Variants in GRM7 observed in about 807,000 individuals in gnomAD.
The protein encoded by GRM7 is glutamate metabotropic receptor 7, also known as metabotropic glutamate receptor 7.
In GRM7, 35 loss-of-function variants were observed where a neutral mutation model predicts 84.5. The observed-to-expected ratio is 0.41, with a 90% CI of 0.32 to 0.55. The LOEUF (loss-of-function observed/expected upper bound fraction) is 0.55, where lower values mean the gene tolerates loss of function less well. GRM7 is among the 20% of genes least tolerant of loss of function. GRM7 has a pLI of 0.19. For missense variants in GRM7, 1,003 were observed against 1,194.6 expected, an observed-to-expected ratio of 0.84 and a Z score of 2.36; for synonymous variants, 487 against 455.1, an observed-to-expected ratio of 1.07 and a Z score of -0.89.
Position 6,877,887 on chromosome 3 carries a change from G to A in GRM7, c.519+15980G>A, listed in dbSNP as rs181973006. On this transcript the variant is annotated intron_variant, in intron 1 of 9. Coordinates refer to ENST00000357716, the MANE Select transcript of GRM7 (RefSeq NM_000844.4). ...CTGCTAGTAAATTACAAATGAAATT[G>A]TTAGTAGCTCTGTATACACATAAGC... Among the ~76,000 whole-genome samples the A allele has an allele frequency of 2.2e-3, 323 of 149,846 alleles. 1 individual carries two copies. Among genetic ancestry groups the A allele is most frequent in the Non-Finnish European group, 4.0e-3 (269 of 67,756 alleles).
At chr3:6,872,968 G>A (rs765032750) in intron 1 of GRM7, among the ~76,000 whole-genome samples, 8 of 152,122 alleles carry the variant, frequency 5.3e-5, no homozygotes, top group Non-Finnish European at 7.3e-5. Flanking sequence ...AATCCTCTGG[G>A]TATATACCCA....
intron 8 of GRM7, among the ~76,000 whole-genome samples, chr3:7,645,342 A>T (rs944870169): frequency 2.6e-5 from 4 of 151,882 alleles, no homozygotes; most frequent in African/African-American, 4.8e-5. Flanking sequence ...AGGTCAGGAG[A>T]TTGAGACCAT....
intron 1 of GRM7, among the ~76,000 whole-genome samples, chr3:6,899,280 A>G (rs1013785900): frequency 2.7e-4 from 41 of 152,240 alleles, no homozygotes; most frequent in African/African-American, 9.6e-4. Context: ...TGAGGAAAGT[A>G]TCAAAGTGAA....
chr3:7,173,143 C>T (rs1340006084), intron 2 of GRM7, among the ~76,000 whole-genome samples: 2 of 152,212 alleles, frequency 1.3e-5, no homozygotes, highest in African/African-American at 4.8e-5. Flanking sequence ...TATTTAAACA[C>T]TGGCAGGTAA....
chr3:7,512,822 G>C (rs915181518), intron 7 of GRM7, among the ~76,000 whole-genome samples: 2 of 152,134 alleles, frequency 1.3e-5, no homozygotes, highest in Non-Finnish European at 2.9e-5. Flanking sequence ...GGGGAGTGCA[G>C]AAGGGAAAGG....
intron 4 of GRM7, among the ~76,000 whole-genome samples, chr3:7,330,860 G>A (rs1233548975): frequency 6.6e-6 from 1 of 152,142 alleles, no homozygotes; most frequent in Non-Finnish European, 1.5e-5. Flanking sequence ...CCTAGAGACA[G>A]GATGGTCTTT....
chr3:7,656,364 C>T (rs1292741051), intron 8 of GRM7, among the ~76,000 whole-genome samples: 6 of 151,818 alleles, frequency 4.0e-5, no homozygotes, highest in African/African-American at 7.3e-5. Flanking sequence ...GGCATGGTGG[C>T]GTGCACCTGT....
At chr3:6,924,019 C>G (rs1575019989) in intron 1 of GRM7, among the ~76,000 whole-genome samples, 1 of 152,198 alleles carries the variant, frequency 6.6e-6, no homozygotes, top group Non-Finnish European at 1.5e-5. Flanking sequence ...TGAGCTTTCT[C>G]TAACTTTTTA....
intron 8 of GRM7, among the ~76,000 whole-genome samples, chr3:7,623,958 G>A (rs763577025): frequency 2.6e-5 from 4 of 152,112 alleles, no homozygotes; most frequent in Admixed American, 6.6e-5. Context: ...CTAGCATTCC[G>A]GAGAGTAGAG....
At chr3:7,341,779 C>G (rs1692645461) in intron 4 of GRM7, among the ~76,000 whole-genome samples, 1 of 152,016 alleles carries the variant, frequency 6.6e-6, no homozygotes. Flanking sequence ...TTGGATAGGA[C>G]CCCACATTAA....
chr3:7,562,680 T>A (rs1419096885), intron 7 of GRM7, among the ~76,000 whole-genome samples: 2 of 152,080 alleles, frequency 1.3e-5, no homozygotes, highest in Non-Finnish European at 2.9e-5. Flanking sequence ...CACAGAATGT[T>A]GAGAGATAGA....
At chr3:7,549,433 A>G (rs941276673) in intron 7 of GRM7, among the ~76,000 whole-genome samples, 1 of 152,100 alleles carries the variant, frequency 6.6e-6, no homozygotes, top group African/African-American at 2.4e-5. Context: ...AGGTGTTTTT[A>G]TTTTTGTGTT....
intron 9 of GRM7, among the ~76,000 whole-genome samples, chr3:7,701,832 A>G (rs1397579450): frequency 6.6e-6 from 1 of 152,156 alleles, no homozygotes; most frequent in Non-Finnish European, 1.5e-5. Flanking sequence ...ATGATCTTCA[A>G]TTAGACATTT....
chr3:7,083,784 C>G (rs1317748372), intron 1 of GRM7, among the ~76,000 whole-genome samples: 2 of 152,104 alleles, frequency 1.3e-5, no homozygotes, highest in African/African-American at 4.8e-5. Flanking sequence ...GACGTATTCT[C>G]TGTGAGTGCT....
At chr3:7,326,672 A>G (rs1182583635) in intron 4 of GRM7, among the ~76,000 whole-genome samples, 1 of 151,756 alleles carries the variant, frequency 6.6e-6, no homozygotes, top group Admixed American at 6.6e-5. Context: ...ACATGGCGAA[A>G]CCCCATTTCT....
At chr3:7,452,294 G>C (rs911392147) in intron 5 of GRM7, among the ~76,000 whole-genome samples, 2 of 152,092 alleles carry the variant, frequency 1.3e-5, no homozygotes, top group African/African-American at 2.4e-5. Flanking sequence ...AGCTTTTCAG[G>C]TTCGAATGTG....
intron 1 of GRM7, among the ~76,000 whole-genome samples, chr3:6,997,373 A>G (rs913506074): frequency 5.3e-5 from 8 of 152,208 alleles, no homozygotes; most frequent in Non-Finnish European, 7.3e-5. Flanking sequence ...TATTTGACTC[A>G]CAGTTCTGCA....
intron 1 of GRM7, among the ~76,000 whole-genome samples, chr3:7,116,241 C>T (rs1180739341): frequency 2.6e-5 from 4 of 152,074 alleles, no homozygotes. Flanking sequence ...TGTCTAATGC[C>T]ATTTCTCTCC....
chr3:7,446,994 CA>C (rs1031504867), intron 5 of GRM7, among the ~76,000 whole-genome samples: 275 of 128,154 alleles, frequency 2.1e-3, no homozygotes, highest in Middle Eastern at 0.019. Flanking sequence ...ATGCAACTGA[CA>C]ATTTATTCAA....
Sources: allele counts gnomAD v4.1 joint callset (sites outside exome capture counted in the v4.1 genomes callset), GRCh38; gene constraint gnomAD v4.1.1; transcripts MANE v1.5; gene names NCBI Gene and HGNC (gene_info 2026-07-23, HGNC 2026-07-21).